Variants in TANC2 observed in about 807,000 individuals in gnomAD.
TANC2 encodes the protein protein TANC2.
TANC2 carries 26 observed loss-of-function variants against 210.5 expected under a neutral mutation model. That is an observed-to-expected ratio of 0.12 (90% CI 0.09 to 0.17). The LOEUF is 0.17. Among genes scored for constraint, TANC2 ranks in the 10% least tolerant of loss-of-function variants. The pLI is 1.00. For missense variants in TANC2, 2,129 were observed against 2,608.9 expected (o/e 0.82, Z 4.01); for synonymous variants, 931 against 967.1 (o/e 0.96, Z 0.69).
At chr17:63,224,196 A>G (rs760045511) in intron 7 of TANC2, among the ~76,000 whole-genome samples, 7 of 151,766 alleles carry the variant, frequency 4.6e-5, no homozygotes, top group South Asian at 2.1e-4. Flanking sequence ...TCTGTTAACC[A>G]TCACCACTGA....
At chr17:63,283,943 A>C (rs2044142198) in intron 9 of TANC2, among the ~76,000 whole-genome samples, 1 of 151,966 alleles carries the variant, frequency 6.6e-6, no homozygotes, top group South Asian at 2.1e-4. Context: ...AGATAATCTT[A>C]GTTCTTCCTT....
At chr17:63,157,784 G>A (rs2039888012) in intron 5 of TANC2, among the ~76,000 whole-genome samples, 1 of 151,890 alleles carries the variant, frequency 6.6e-6, no homozygotes, top group Non-Finnish European at 1.5e-5. Flanking sequence ...GAGTCATACT[G>A]TGCCACCCAG....
At chr17:63,012,703 A>G (rs1416379862) in intron 2 of TANC2, among the ~76,000 whole-genome samples, 1 of 152,154 alleles carries the variant, frequency 6.6e-6, no homozygotes, top group Non-Finnish European at 1.5e-5. Context: ...CCAGGCTACA[A>G]TGCAGTGGCA....
intron 19 of TANC2, among the ~76,000 whole-genome samples, chr17:63,400,798 C>G (rs1222998264): frequency 3.3e-5 from 5 of 150,336 alleles, no homozygotes; most frequent in African/African-American, 1.2e-4. Context: ...CGTGCACCAC[C>G]ACACCTGACT....
intron 2 of TANC2, among the ~76,000 whole-genome samples, chr17:63,023,282 T>G (rs891324410): frequency 6.6e-6 from 1 of 152,206 alleles, no homozygotes; most frequent in Non-Finnish European, 1.5e-5. Context: ...CCTTGGGAGC[T>G]CACCCCTGCC....
At chr17:63,252,206 T>C (rs1462845622) in intron 8 of TANC2, among the ~76,000 whole-genome samples, 1 of 152,098 alleles carries the variant, frequency 6.6e-6, no homozygotes, top group East Asian at 1.9e-4. Context: ...TTTAAAAATA[T>C]ATCTGTATTA....
At chr17:63,384,140 G>A (rs2047701564) in intron 15 of TANC2, among the ~76,000 whole-genome samples, 1 of 152,026 alleles carries the variant, frequency 6.6e-6, no homozygotes, top group Non-Finnish European at 1.5e-5. Flanking sequence ...CACAATCACA[G>A]CTTACTGCAG....
At chr17:63,024,499 T>C (rs2034473494) in intron 2 of TANC2, among the ~76,000 whole-genome samples, 1 of 152,190 alleles carries the variant, frequency 6.6e-6, no homozygotes, top group Non-Finnish European at 1.5e-5. Flanking sequence ...TACTGCACCC[T>C]GTTTTGTCAG....
intron 14 of TANC2, among the ~76,000 whole-genome samples, chr17:63,368,741 AAAACT>A (rs2047180168): frequency 6.6e-6 from 1 of 152,230 alleles, no homozygotes; most frequent in Non-Finnish European, 1.5e-5. Flanking sequence ...CCATAAGTTA[AAAACT>A]ACATGTGAAA....
intron 4 of TANC2, among the ~76,000 whole-genome samples, chr17:63,130,312 G>T (rs1205408820): frequency 6.6e-6 from 1 of 152,104 alleles, no homozygotes; most frequent in East Asian, 1.9e-4. Flanking sequence ...AGTTGACCAA[G>T]ACCAGCCTGG....
chr17:63,182,211 C>T (rs773629557), intron 5 of TANC2: 2 of 168,084 alleles, frequency 1.2e-5, no homozygotes, highest in Non-Finnish European at 2.5e-5. Context: ...ACATGCCCAC[C>T]TGGCTCCCCC....
At chr17:63,185,215 C>G (rs1053744578) in intron 5 of TANC2, among the ~76,000 whole-genome samples, 9 of 151,934 alleles carry the variant, frequency 5.9e-5, no homozygotes, top group African/African-American at 2.2e-4. Flanking sequence ...CACCCAGGCT[C>G]GAATAGCTGG....
At chr17:63,008,990 A>G (rs2033747443) in intron 1 of TANC2, among the ~76,000 whole-genome samples, 1 of 151,998 alleles carries the variant, frequency 6.6e-6, no homozygotes. Flanking sequence ...ATCTACCTTT[A>G]TTTCTTAGGG....
At chr17:63,221,442 C>CAAAAA (rs755699051) in intron 7 of TANC2, among the ~76,000 whole-genome samples, 2 of 87,514 alleles carry the variant, frequency 2.3e-5, no homozygotes, top group Non-Finnish European at 4.5e-5. Flanking sequence ...GACTCCATCT[C>CAAAAA]AAAAAAAAAA....
At chr17:63,060,119 A>G (rs2035942274) in intron 2 of TANC2, among the ~76,000 whole-genome samples, 1 of 152,228 alleles carries the variant, frequency 6.6e-6, no homozygotes, top group African/African-American at 2.4e-5. Flanking sequence ...AAGGGAAGAT[A>G]GAAATAGTGT....
chr17:63,393,855 C>T (rs1252749311), intron 17 of TANC2, among the ~76,000 whole-genome samples: 1 of 151,700 alleles, frequency 6.6e-6, no homozygotes, highest in African/African-American at 2.4e-5. Flanking sequence ...ACTGCAATCT[C>T]CGCCTCCCAG....
chr17:63,398,693 T>G (rs985256957), intron 18 of TANC2, 128 bp from the exon 19 acceptor site: 4 of 580,630 alleles, frequency 6.9e-6, no homozygotes, highest in Admixed American at 3.2e-5. Flanking sequence ...CGGTCAATTC[T>G]GATTCCTTTT....
At chr17:63,301,953 G>A (rs1030528834) in intron 9 of TANC2, among the ~76,000 whole-genome samples, 18 of 152,150 alleles carry the variant, frequency 1.2e-4, no homozygotes, top group African/African-American at 4.1e-4. Flanking sequence ...CTTTTGCTGT[G>A]TCCTAGAGAT....
chr17:63,007,320 GT>G (rs1433382325), intron 1 of TANC2, among the ~76,000 whole-genome samples: 1 of 152,098 alleles, frequency 6.6e-6, no homozygotes, highest in Non-Finnish European at 1.5e-5. Context: ...ATTGCCTTAA[GT>G]CTACTTTGCC....
Sources: allele counts gnomAD v4.1 joint callset (sites outside exome capture counted in the v4.1 genomes callset), GRCh38; gene constraint gnomAD v4.1.1; transcripts MANE v1.5; gene names NCBI Gene and HGNC (gene_info 2026-07-23, HGNC 2026-07-21).